Variants in UBN2 observed in about 807,000 individuals in gnomAD.
UBN2 encodes ubinuclein-2.
Under a neutral mutation model 120.2 loss-of-function variants are expected in UBN2, and 35 were observed. That is an observed-to-expected ratio of 0.29 (90% CI 0.22 to 0.39). UBN2 has a LOEUF of 0.39. Among genes scored for constraint, UBN2 ranks in the 10% least tolerant of loss-of-function variants. The probability of loss-of-function intolerance (pLI) is 1.00; values close to 1 mark genes in which losing one functional copy is unlikely to be tolerated. For missense variants in UBN2, 1,693 were observed against 1,663.2 expected (o/e 1.02, Z -0.31); for synonymous variants, 661 against 648.7 (o/e 1.02, Z -0.29).
rs1294325840 is a variant in UBN2 at position 139,301,748 on chromosome 7, A to G, written c.*3912A>G. On this transcript the variant is annotated 3_prime_UTR_variant, in exon 18 of 18. Transcript: ENST00000473989. The stretch of plus-strand genomic sequence containing the variant: ...TTTTTTTTAAAGTTGGAAATAGAAG[A>G]ATGAGAAAAATCTATAATCAGGCCA... 1.3e-5 allele frequency: 2 copies of G among 152,030 alleles called. No homozygotes were observed. The highest frequency in any genetic ancestry group is 4.8e-5 in the African/African-American group (2 of 41,388). The allele number at this position is 152,030 out of a possible 1,614,324, so 9.4% of individuals were successfully genotyped here.
chr7:139,237,174 C>G, intron 2 of UBN2, 77 bp downstream of exon 2: 1 of 943,688 alleles, frequency 1.1e-6, no homozygotes, highest in South Asian at 1.6e-5. Flanking sequence ...TTGGGAGGGC[C>G]TATAAATATC....
the UBN2 span, among the ~76,000 whole-genome samples, chr7:139,320,068 T>A: frequency 1.3e-5 from 2 of 149,592 alleles, no homozygotes; most frequent in Admixed American, 1.3e-4. Context: ...AGAGCGAGAC[T>A]CCGTCTCAAA....
chr7:139,245,775 G>A (rs968503974), intron 2 of UBN2, among the ~76,000 whole-genome samples: 2 of 152,230 alleles, frequency 1.3e-5, no homozygotes, highest in South Asian at 4.1e-4. Context: ...AGAAAGCTGG[G>A]AGGATTAAGT....
intron 2 of UBN2, among the ~76,000 whole-genome samples, chr7:139,238,881 T>A (rs977370562): frequency 8.5e-5 from 13 of 152,184 alleles, no homozygotes; most frequent in Non-Finnish European, 1.6e-4. Context: ...GTGTAATCTT[T>A]TGAGACTATA....
chr7:139,285,605 A>G (rs1166848066), intron 15 of UBN2, among the ~76,000 whole-genome samples: 1 of 152,124 alleles, frequency 6.6e-6, no homozygotes, highest in Non-Finnish European at 1.5e-5. Context: ...TTAATTGTAT[A>G]CCTAGAACAT....
chr7:139,262,454 T>C (rs990048029), intron 6 of UBN2, among the ~76,000 whole-genome samples: 1 of 152,128 alleles, frequency 6.6e-6, no homozygotes, highest in Non-Finnish European at 1.5e-5. Context: ...CACATGCATG[T>C]AATCCCAGCA....
intron 1 of UBN2, among the ~76,000 whole-genome samples, chr7:139,234,884 A>G (rs927253420): frequency 3.3e-5 from 5 of 152,216 alleles, no homozygotes; most frequent in African/African-American, 1.2e-4. Context: ...AATGGTGTTG[A>G]TGAGTTAAGA....
downstream of UBN2, among the ~76,000 whole-genome samples, chr7:139,308,445 A>C (rs1798402362): frequency 6.6e-6 from 1 of 152,136 alleles, no homozygotes; most frequent in South Asian, 2.1e-4. Context: ...ACAAAGCTAC[A>C]TTTTGGTCCA....
At chr7:139,315,461 A>G in the UBN2 span, 13 of 152,270 alleles carry the variant, frequency 8.5e-5, no homozygotes, top group East Asian at 2.3e-3. Context: ...CCTGTCTAGT[A>G]TTAAATTTAA....
intron 2 of UBN2, among the ~76,000 whole-genome samples, chr7:139,241,532 A>G (rs1411657635): frequency 6.6e-6 from 1 of 152,202 alleles, no homozygotes; most frequent in African/African-American, 2.4e-5. Flanking sequence ...GTAGTTTCAT[A>G]CTTCTTTTAA....
At chr7:139,266,443 T>A in intron 7 of UBN2, 40 bp downstream of exon 7, 1 of 1,260,416 alleles carries the variant, frequency 7.9e-7, no homozygotes, top group Non-Finnish European at 1.1e-6. Context: ...TTAAGAATGA[T>A]ACATTAAAAA....
At chr7:139,237,642 A>G (rs1453674737) in intron 2 of UBN2, among the ~76,000 whole-genome samples, 2 of 152,172 alleles carry the variant, frequency 1.3e-5, no homozygotes, top group African/African-American at 2.4e-5. Flanking sequence ...AAGCTAAGTA[A>G]TATTGACCAT....
At chr7:139,267,542 A>G (rs1797136057) in intron 7 of UBN2, among the ~76,000 whole-genome samples, 1 of 152,032 alleles carries the variant, frequency 6.6e-6, no homozygotes, top group South Asian at 2.1e-4. Flanking sequence ...TCTCCAAAAA[A>G]AAAAAAAGAG....
At chr7:139,246,421 A>G (rs1356400729) in intron 2 of UBN2, among the ~76,000 whole-genome samples, 1 of 152,190 alleles carries the variant, frequency 6.6e-6, no homozygotes, top group African/African-American at 2.4e-5. Flanking sequence ...TGTTTAGGTG[A>G]AAAACAAAGG....
chr7:139,259,129 C>T (rs1585001076), intron 4 of UBN2, 138 bp from the exon 5 acceptor site: 11 of 1,315,362 alleles, frequency 8.4e-6, no homozygotes, highest in Middle Eastern at 2.7e-4. Flanking sequence ...CTCTTGAACC[C>T]CAAGGATCTG....
intron 11 of UBN2, among the ~76,000 whole-genome samples, chr7:139,274,630 C>T (rs1182643602): frequency 6.6e-6 from 1 of 151,894 alleles, no homozygotes; most frequent in Admixed American, 6.6e-5. Flanking sequence ...GGCGTGGTGG[C>T]GCATGCCTGT....
chr7:139,320,837 CAG>C, the UBN2 span, among the ~76,000 whole-genome samples: 2 of 145,296 alleles, frequency 1.4e-5, no homozygotes, highest in African/African-American at 5.1e-5. Flanking sequence ...GCTTGGGCGA[CAG>C]AGTGAGACTC....
In UBN2 at chr7:139,231,415, G is replaced by C. The variant is rs1255805466; in HGVS notation, c.-70G>C. The C allele has an allele frequency of 3.3e-6, 4 of 1,199,382 alleles. No homozygotes were observed. In the South Asian group the frequency reaches 8.4e-5, roughly 25 times the overall value. The allele number at this position is 1,199,382 out of a possible 1,614,324, so 74.3% of individuals were successfully genotyped here. ...AGCGACAGAGAGCAAGAGGAAGGGC[G>C]GGCAGGCACGCAGCGCGCCGTAGAA... is the stretch of plus-strand genomic sequence containing the variant. On this transcript the variant is annotated 5_prime_UTR_variant, in exon 1 of 18. Transcript: ENST00000473989.
intron 6 of UBN2, among the ~76,000 whole-genome samples, chr7:139,263,308 C>T (rs1796993035): frequency 6.6e-6 from 1 of 152,148 alleles, no homozygotes; most frequent in Non-Finnish European, 1.5e-5. Context: ...ATGCCAGGTA[C>T]TAAATTGCAT....
Sources: allele counts gnomAD v4.1 joint callset (sites outside exome capture counted in the v4.1 genomes callset), GRCh38; gene constraint gnomAD v4.1.1; transcripts MANE v1.5; gene names NCBI Gene and HGNC (gene_info 2026-07-23, HGNC 2026-07-21).